NRG3: variants seen among roughly 807,000 people sequenced by gnomAD.
NRG3 encodes pro-neuregulin-3, membrane-bound isoform.
NRG3 carries 31 observed loss-of-function variants against 66.9 expected under a neutral mutation model. The observed-to-expected ratio is 0.46, with a 90% CI of 0.35 to 0.63. The LOEUF is 0.63. Among genes scored for constraint, NRG3 ranks in the 20% least tolerant of loss-of-function variants. The pLI, the probability that NRG3 is intolerant of heterozygous loss-of-function variation, is 0.00. For synonymous variants in NRG3, 393 were observed against 359.4 expected (o/e 1.09, Z -1.06); for missense variants, 910 against 878.9 (o/e 1.04, Z -0.45).
At chr10:82,563,719 A>G (rs1226780390) in intron 2 of NRG3, among the ~76,000 whole-genome samples, 2 of 152,024 alleles carry the variant, frequency 1.3e-5, no homozygotes, top group East Asian at 1.9e-4. Flanking sequence ...TATATCCATC[A>G]TCTCACCTAC....
intron 5 of NRG3, among the ~76,000 whole-genome samples, chr10:82,951,856 A>T (rs934479168): frequency 6.6e-6 from 1 of 152,202 alleles, no homozygotes; most frequent in African/African-American, 2.4e-5. Flanking sequence ...CTTTGCACTG[A>T]TTCACCACTT....
At chr10:82,727,959 C>T (rs2057695832) in intron 2 of NRG3, among the ~76,000 whole-genome samples, 1 of 152,082 alleles carries the variant, frequency 6.6e-6, no homozygotes, top group South Asian at 2.1e-4. Context: ...ATTTGACTGC[C>T]CTGCTGGATT....
intron 8 of NRG3, among the ~76,000 whole-genome samples, 156 bp downstream of exon 8, chr10:82,979,276 C>A (rs1852602805): frequency 6.6e-6 from 1 of 152,086 alleles, no homozygotes; most frequent in African/African-American, 2.4e-5. Context: ...GGTGAACCAA[C>A]TTTGATGTAT....
At chr10:82,668,704 C>G (rs541988796) in intron 2 of NRG3, among the ~76,000 whole-genome samples, 3 of 152,246 alleles carry the variant, frequency 2.0e-5, no homozygotes, top group Admixed American at 2.0e-4. Flanking sequence ...GCAGCTGTTG[C>G]GTCCACTGAA....
chr10:82,660,160 C>T (rs1280494988), intron 2 of NRG3, among the ~76,000 whole-genome samples: 1 of 117,062 alleles, frequency 8.5e-6, no homozygotes, highest in Non-Finnish European at 1.6e-5. Flanking sequence ...CGGGACATTG[C>T]ACTCTAGTGT....
chr10:82,496,001 T>C (rs557970723), intron 2 of NRG3, among the ~76,000 whole-genome samples: 3 of 152,310 alleles, frequency 2.0e-5, no homozygotes, highest in South Asian at 4.1e-4. Context: ...AATTTACATT[T>C]ATTGACGTTC....
chr10:82,792,169 A>T (rs1225472629), intron 3 of NRG3, among the ~76,000 whole-genome samples: 1 of 152,114 alleles, frequency 6.6e-6, no homozygotes, highest in Non-Finnish European at 1.5e-5. Context: ...TTTTTTTTAC[A>T]AATGTTACCT....
At chr10:82,329,247 A>G (rs2082021627) in intron 1 of NRG3, among the ~76,000 whole-genome samples, 1 of 152,188 alleles carries the variant, frequency 6.6e-6, no homozygotes, top group Non-Finnish European at 1.5e-5. Flanking sequence ...AATTATTTCT[A>G]TACAAGAAGA....
chr10:82,649,698 C>G (rs1425537184), intron 2 of NRG3, among the ~76,000 whole-genome samples: 2 of 151,874 alleles, frequency 1.3e-5, no homozygotes, highest in Non-Finnish European at 2.9e-5. Context: ...AGGTGATCTG[C>G]CCACTTCAGC....
chr10:82,510,352 A>C (rs1253590496), intron 2 of NRG3, among the ~76,000 whole-genome samples: 1 of 152,160 alleles, frequency 6.6e-6, no homozygotes, highest in Non-Finnish European at 1.5e-5. Context: ...TGATGCTGAC[A>C]GGTCATAAGC....
intron 2 of NRG3, among the ~76,000 whole-genome samples, chr10:82,718,367 A>G (rs2134469064): frequency 6.6e-6 from 1 of 152,292 alleles, no homozygotes; most frequent in Middle Eastern, 3.4e-3. Flanking sequence ...CGATGATCAT[A>G]TTTGTGATTC....
At chr10:82,506,886 G>C (rs1175445949) in intron 2 of NRG3, among the ~76,000 whole-genome samples, 1 of 152,184 alleles carries the variant, frequency 6.6e-6, no homozygotes, top group Non-Finnish European at 1.5e-5. Context: ...CCTGATTGTA[G>C]CTGTGATCAC....
chr10:82,776,313 T>C (rs1300646906), intron 3 of NRG3, among the ~76,000 whole-genome samples: 4 of 152,188 alleles, frequency 2.6e-5, no homozygotes, highest in African/African-American at 4.8e-5. Flanking sequence ...GGGATTCCCT[T>C]TTATGTCACT....
In NRG3 at chr10:82,564,720, T is replaced by A. The variant is rs377671286; in HGVS notation, c.954-173857T>A. On this transcript the variant is annotated intron_variant, in intron 2 of 8. Transcript: ENST00000372141. ...ATAGGATCCTGTTGTGCTGAGTGTG[T>A]CAGAGCATAGGCTGGCATCTCATAG... 5.9e-5 allele frequency among the ~76,000 whole-genome samples: 9 copies of A among 152,238 alleles called. No individual in the cohort carries two copies. The South Asian group carries it at 1.0e-3, about 18-fold the overall frequency.
At chr10:82,517,323 A>G (rs1845752782) in intron 2 of NRG3, among the ~76,000 whole-genome samples, 1 of 152,142 alleles carries the variant, frequency 6.6e-6, no homozygotes, top group African/African-American at 2.4e-5. Context: ...AAATAAGGGG[A>G]AAAAAGTATG....
At chr10:81,993,630 A>G (rs2060825611) in intron 1 of NRG3, among the ~76,000 whole-genome samples, 1 of 152,152 alleles carries the variant, frequency 6.6e-6, no homozygotes, top group Non-Finnish European at 1.5e-5. Flanking sequence ...TACAGGCATA[A>G]ACCATGCACC....
intron 3 of NRG3, among the ~76,000 whole-genome samples, chr10:82,845,971 A>G (rs905098750): frequency 1.3e-5 from 2 of 152,156 alleles, no homozygotes; most frequent in Admixed American, 6.5e-5. Flanking sequence ...TTGCATTTTT[A>G]TCATGCACTG....
Position 82,136,522 on chromosome 10 carries a change from G to A in NRG3, c.824-222217G>A, listed in dbSNP as rs373754915. Among the ~76,000 whole-genome samples the A allele has an allele frequency of 2.9e-3, 438 of 152,296 alleles. 5 individuals are homozygous for A. Among genetic ancestry groups the A allele is most frequent in the African/African-American group, 9.4e-3 (391 of 41,574 alleles). On this transcript the variant is annotated intron_variant, in intron 1 of 8. Transcript: ENST00000372141. ...CTACTTGATGCTCCATTTTACTGCA[G>A]TTGAGCTGGTAGCAAAGCCACAATA...
chr10:82,297,012 A>G lies in NRG3; in HGVS notation c.824-61727A>G, dbSNP rs117501776. 6.8e-4 allele frequency among the ~76,000 whole-genome samples: 103 copies of G among 152,122 alleles called. No individual in the cohort carries two copies. The East Asian group carries it at 0.014, about 21-fold the overall frequency. ...CATGTGTACCCATTGTTTAGCTCCC[A>G]TTTATACATGAGAAAATGTGGTATT... On this transcript the variant is annotated intron_variant, in intron 1 of 8. Coordinates refer to ENST00000372141, the MANE Select transcript of NRG3 (RefSeq NM_001010848.4).
Sources: allele counts gnomAD v4.1 joint callset (sites outside exome capture counted in the v4.1 genomes callset), GRCh38; gene constraint gnomAD v4.1.1; transcripts MANE v1.5; gene names NCBI Gene and HGNC (gene_info 2026-07-23, HGNC 2026-07-21).